The following MAML1 variants were observed in gnomAD, a reference collection of about 807,000 sequenced individuals.
MAML1 encodes mastermind-like protein 1.
Under a neutral mutation model 77.1 loss-of-function variants are expected in MAML1, and 14 were observed. That is an observed-to-expected ratio of 0.18 (90% confidence interval 0.12 to 0.28). The LOEUF (loss-of-function observed/expected upper bound fraction) is 0.28. Ranked by LOEUF, MAML1 falls within the 10% of genes least tolerant of loss-of-function variation. The pLI, the probability that MAML1 is intolerant of heterozygous loss-of-function variation, is 1.00. For missense variants in MAML1, 1,217 were observed against 1,327.8 expected, an observed-to-expected ratio of 0.92 and a Z score of 1.30; for synonymous variants, 516 against 551.9, an observed-to-expected ratio of 0.93 and a Z score of 0.91.
At chr5:179,773,016 G>T (rs1409464030) in intron 4 of MAML1, among the ~76,000 whole-genome samples, 2 of 152,202 alleles carry the variant, frequency 1.3e-5, no homozygotes, top group African/African-American at 4.8e-5. Flanking sequence ...TCAGCCTCCC[G>T]AGTAGCTGGG....
rs1309663386 is a variant in MAML1, at chr5:179,765,620, C to T, written c.610C>T (p.Pro204Ser). ...CCTTCACTTGAATGGAGGCAGTAAC[C>T]CCAGTGAGTCATTTCCTCTGAGCCT... Reference protein sequence around the residue: ...SSLHLNGGSNPSESFPLSLNK... With the variant: ...SSLHLNGGSNSSESFPLSLNK... The change falls in exon 2 of 5, where the codon CCC becomes TCC. Residue 204 changes from proline to serine, a missense_variant. Coordinates refer to ENST00000292599, the MANE Select transcript of MAML1 (RefSeq NM_014757.5). 18 of 1,614,050 alleles carry T rather than the reference C, an allele frequency of 1.1e-5. No individual in the cohort carries two copies. Among genetic ancestry groups the T allele is most frequent in the South Asian group, 3.3e-5 (3 of 91,080 alleles).
At chr5:179,756,792 G>A (rs76360119) in intron 1 of MAML1, among the ~76,000 whole-genome samples, 1,756 of 152,270 alleles carry the variant, frequency 0.012, 19 homozygotes, top group Non-Finnish European at 0.02. Flanking sequence ...TAGTATGGAG[G>A]TATCTCACTG....
In MAML1 at chr5:179,769,708, A is replaced by AG. The variant is rs1347053897; in HGVS notation, c.1971+619_1971+620insG. On this transcript the variant is annotated intron_variant, in intron 3 of 4. Coordinates refer to ENST00000292599, the MANE Select transcript of MAML1 (RefSeq NM_014757.5). The surrounding 1 kb of genome is among the most constrained non-coding windows in gnomAD (Gnocchi z 4.2). ...GCTGGGACTACAGGCAAGAACCACC[A>AG]TGCCTGGCTAATTTTTGTGTTTTTA... 2.0e-5 allele frequency among the ~76,000 whole-genome samples: 3 copies of AG among 152,188 alleles called. No homozygotes were observed. The East Asian group carries it at 5.8e-4, about 30-fold the overall frequency.
chr5:179,768,777 G>A, intron 2 of MAML1, 73 bp from the exon 3 acceptor site: 1 of 1,556,980 alleles, frequency 6.4e-7, no homozygotes, highest in Non-Finnish European at 8.8e-7. Context: ...AGTGAACCTT[G>A]AATTCACTGG....
chr5:179,765,300 A>C, intron 1 of MAML1, 26 bp from the exon 2 acceptor site: 1 of 1,545,796 alleles, frequency 6.5e-7, no homozygotes, highest in Non-Finnish European at 8.8e-7. Context: ...TATGTATCTT[A>C]AGTCATTCTT....
chr5:179,758,169 A>T (rs546384255), intron 1 of MAML1, among the ~76,000 whole-genome samples: 32 of 152,310 alleles, frequency 2.1e-4, no homozygotes, highest in African/African-American at 7.7e-4. Flanking sequence ...AGTTTTCTGG[A>T]AAATACCGGA....
intron 2 of MAML1, among the ~76,000 whole-genome samples, chr5:179,768,331 C>A (rs1779859593): frequency 6.6e-6 from 1 of 152,216 alleles, no homozygotes; most frequent in Admixed American, 6.5e-5. Flanking sequence ...GTGGCACATG[C>A]CTCTAATCCC....
Position 179,752,598 on chromosome 5 carries a change from C to CTTTTTTTTTT in MAML1, c.316-12711_316-12702dup, listed in dbSNP as rs1172970221. ...TGAGTTTAACACTTTATTAGATACT[C>CTTTTTTTTTT]TTTTTTTTTTTTTTTTTTTTTTTTT... On this transcript the variant is annotated intron_variant, in intron 1 of 4. Transcript: ENST00000292599. Among the ~76,000 whole-genome samples the CTTTTTTTTTT allele has an allele frequency of 6.4e-4, 46 of 71,838 alleles. 5 individuals are homozygous for CTTTTTTTTTT. The highest frequency in any genetic ancestry group is 2.3e-3 in the African/African-American group (46 of 19,670). The allele number at this position is 71,838 out of a possible 152,430, so 47.1% of individuals were successfully genotyped here. A position where few individuals can be genotyped will look rare whatever the true frequency, so the allele number is the denominator to read the frequency against.
intron 1 of MAML1, among the ~76,000 whole-genome samples, chr5:179,746,161 C>T (rs1218896059): frequency 6.6e-6 from 1 of 151,102 alleles, no homozygotes; most frequent in Non-Finnish European, 1.5e-5. Context: ...ACCTGGCCCA[C>T]ATGGCGAAAC....
rs1323545532 is a variant in MAML1 at position 179,774,056 on chromosome 5, C to A, written c.2230C>A (p.Gln744Lys). The A allele has an allele frequency of 6.2e-7, 1 of 1,614,172 alleles. No homozygotes were observed. Among genetic ancestry groups the A allele is most frequent in the Admixed American group, 1.7e-5 (1 of 60,028 alleles). The change falls in exon 5 of 5, where the codon CAG becomes AAG. Residue 744 changes from glutamine to lysine, a missense_variant. This residue lies in a region of MAML1 where 884 missense variants were observed against 949.3 expected (regional missense o/e 0.93). Coordinates refer to ENST00000292599, the MANE Select transcript of MAML1 (RefSeq NM_014757.5). ...NSGQQDRGVA[Q>K]FPGSQNMPQS... Reference sequence around the variant, plus strand: ...AGGCCAACAGGACCGGGGTGTGGCTCAGTTCCCTGGCTCCCAAAACATGCC... The same window carrying A: ...AGGCCAACAGGACCGGGGTGTGGCTAAGTTCCCTGGCTCCCAAAACATGCC...
In MAML1 at chr5:179,774,225, A is replaced by C. The variant is rs148053500; in HGVS notation, c.2399A>C (p.Asn800Thr). Residue 800 changes from asparagine (N) to threonine (T), a missense_variant, in exon 5 of 5, where the codon AAC (asparagine) becomes ACC (threonine). Asn to Thr is a moderately conservative substitution (Grantham distance 65). Transcript: ENST00000292599. ...NTSVSAAYGQ[N>T]SLGSSGLSQQ... ...TCCGTCTCAGCTGCCTATGGGCAGA[A>C]CTCTCTGGGAAGCTCTGGCCTCTCC... is the stretch of plus-strand genomic sequence containing the variant. The C allele has an allele frequency of 3.3e-3, 5,270 of 1,613,330 alleles. 29 individuals carry two copies. The highest frequency in any genetic ancestry group is 0.018 in the Middle Eastern group (112 of 6,062).
In MAML1 at chr5:179,771,274, A is replaced by G. The variant is rs1402001330; in HGVS notation, c.2068+31A>G. On this transcript the variant is annotated intron_variant, in intron 4 of 4. Transcript: ENST00000292599. This position sits in a 1 kb window ranked among gnomAD's most constrained non-coding sequence, Gnocchi z 4.7. Reference sequence around the variant, plus strand: ...GGGTGTCTGTGTGACGAGCAGGGACAGGGGAGGCCGCTGCCTGGTGCTGGT... The same window carrying G: ...GGGTGTCTGTGTGACGAGCAGGGACGGGGGAGGCCGCTGCCTGGTGCTGGT... 2 of 1,583,788 alleles carry G rather than the reference A, an allele frequency of 1.3e-6. No individual in the cohort carries two copies. The highest frequency in any genetic ancestry group is 8.7e-7 in the Non-Finnish European group (1 of 1,152,468).
At position 179,776,530 on chromosome 5, in the gene MAML1, C is replaced by CATA; in HGVS notation, c.*1654_*1655insTAA. ...ACCTTCCCTACCTTTCCCATGTACT[C>CATA]AGTTTAGCTCTCAAAGAAGGGGTGA... On this transcript the variant is annotated 3_prime_UTR_variant, in exon 5 of 5. Transcript: ENST00000292599. The CATA allele has an allele frequency of 2.0e-6, 2 of 985,704 alleles. No homozygotes were observed. Among genetic ancestry groups the CATA allele is most frequent in the South Asian group, 9.4e-5 (2 of 21,288 alleles). 61.1% of individuals were successfully genotyped at this position (985,704 alleles called of 1,614,324 possible).
rs1019862801 is a variant in MAML1, at chr5:179,762,383, T to A, written c.316-2943T>A. ...AGGATGGCAGGTGGCGCCTGGAGAGTGTGGCCTCCCAGCGAGGGAGCTGGC... is the reference window on the plus strand; with the variant it reads ...AGGATGGCAGGTGGCGCCTGGAGAGAGTGGCCTCCCAGCGAGGGAGCTGGC... On this transcript the variant is annotated intron_variant, in intron 1 of 4. Coordinates refer to ENST00000292599, the MANE Select transcript of MAML1 (RefSeq NM_014757.5). Among the ~76,000 whole-genome samples the A allele has an allele frequency of 2.8e-4, 43 of 151,552 alleles. 1 individual carries two copies. The highest frequency in any genetic ancestry group is 2.8e-3 in the Admixed American group (42 of 15,218).
intron 2 of MAML1, among the ~76,000 whole-genome samples, chr5:179,768,533 C>T (rs572273488): frequency 1.3e-5 from 2 of 152,354 alleles, no homozygotes; most frequent in East Asian, 3.9e-4. Flanking sequence ...CATTTCTAAG[C>T]CTCGATTGCT....
chr5:179,733,144 T>G lies in MAML1; in HGVS notation c.32T>G (p.Phe11Cys). The G allele has an allele frequency of 6.9e-7, 1 of 1,447,774 alleles. No homozygotes were observed. Among genetic ancestry groups the G allele is most frequent in the Non-Finnish European group, 9.1e-7 (1 of 1,103,056 alleles). 89.7% of individuals were successfully genotyped at this position (1,447,774 alleles called of 1,614,324 possible). Reference protein sequence around the residue: MVLPTCPMAEFALPRHSAVME... With the variant: MVLPTCPMAECALPRHSAVME... ...CTGCCCACCTGCCCCATGGCGGAGT[T>G]CGCGCTGCCGCGGCACAGCGCGGTC... The change falls in exon 1 of 5, where the codon TTC becomes TGC. Residue 11 changes from phenylalanine to cysteine, a missense_variant. By Grantham distance (205) the Phe-to-Cys change is radical (BLOSUM62 -2). Coordinates refer to ENST00000292599, the MANE Select transcript of MAML1 (RefSeq NM_014757.5).
intron 1 of MAML1, among the ~76,000 whole-genome samples, chr5:179,734,296 A>T (rs1425082760): frequency 6.6e-6 from 1 of 152,212 alleles, no homozygotes; most frequent in East Asian, 1.9e-4. Flanking sequence ...GGGCTATTGC[A>T]GTGCCTGTCC....
chr5:179,764,062 C>G (rs1562568621), intron 1 of MAML1, among the ~76,000 whole-genome samples: 1 of 152,122 alleles, frequency 6.6e-6, no homozygotes, highest in Non-Finnish European at 1.5e-5. Context: ...AGGAGTCCGT[C>G]TTCTGTCCCC....
Position 179,733,499 on chromosome 5 carries a change from A to G in MAML1, c.315+72A>G, listed in dbSNP as rs967508392. 4.7e-5 allele frequency: 49 copies of G among 1,049,148 alleles called. No homozygotes were observed. The Admixed American group carries it at 4.8e-4, about 10-fold the overall frequency. 65.0% of individuals were successfully genotyped at this position (1,049,148 alleles called of 1,614,324 possible). A position where few individuals can be genotyped will look rare whatever the true frequency, so the allele number is the denominator to read the frequency against. On this transcript the variant is annotated intron_variant, in intron 1 of 4. Coordinates refer to ENST00000292599, the MANE Select transcript of MAML1 (RefSeq NM_014757.5). The stretch of plus-strand genomic sequence containing the variant: ...CCCGAAAACGCTTCCTCTGACGCGG[A>G]TCGGGCCGCTGGGAGACTTCCCCAG...
Sources: gnomAD v4.1 joint callset for allele counts (sites outside exome capture counted in the v4.1 genomes callset) on GRCh38, gnomAD v4.1.1 for gene constraint, gnomAD v4.1.1 regional missense constraint, Gnocchi (gnomAD v3.1) non-coding constraint, MANE v1.5 for transcripts, NCBI Gene and HGNC (gene_info 2026-07-23, HGNC 2026-07-21) for gene names.